SORL1: variants seen among roughly 807,000 people sequenced by gnomAD.
The protein encoded by SORL1 is sortilin-related receptor.
A neutral mutation model predicts 273.7 loss-of-function variants in SORL1; 127 were observed. That is an observed-to-expected ratio of 0.46 (90% CI 0.40 to 0.54). The LOEUF (loss-of-function observed/expected upper bound fraction) is 0.54, where lower values mean the gene tolerates loss of function less well. Among genes scored for constraint, SORL1 ranks in the 20% least tolerant of loss-of-function variants. The probability of loss-of-function intolerance (pLI) is 0.00; values close to 1 mark genes in which losing one functional copy is unlikely to be tolerated. For missense variants in SORL1, 2,494 were observed against 2,846.1 expected, an observed-to-expected ratio of 0.88 and a Z score of 2.81; for synonymous variants, 1,031 against 1,067.4, an observed-to-expected ratio of 0.97 and a Z score of 0.66.
chr11:121,616,009 T>G (rs1012109557), intron 41 of SORL1, among the ~76,000 whole-genome samples: 9 of 152,264 alleles, frequency 5.9e-5, no homozygotes, highest in African/African-American at 2.2e-4. Context: ...CTCTGCTCTT[T>G]TGTGTGTCCC....
intron 1 of SORL1, among the ~76,000 whole-genome samples, chr11:121,456,686 A>C (rs1434356061): frequency 1.3e-5 from 2 of 152,174 alleles, no homozygotes; most frequent in Non-Finnish European, 2.9e-5. Context: ...TTTTGGGGAA[A>C]AATCCTTTGG....
chr11:121,595,721 C>A lies in SORL1; in HGVS notation c.4468C>A (p.Arg1490Ser). 1.2e-6 allele frequency: 2 copies of A among 1,614,012 alleles called. No individual in the cohort carries two copies. Among genetic ancestry groups the A allele is most frequent in the Non-Finnish European group, 1.7e-6 (2 of 1,180,042 alleles). ...GAAGACGTGTATTCCCAACTGGAAG[C>A]GCTGTGACGGCCACCAAGATTGCCA... ...QPKTCIPNWK[R>S]CDGHQDCQDG... The change falls in exon 32 of 48, where the codon CGC becomes AGC. Residue 1490 changes from arginine (R) to serine (S), a missense_variant. Around this residue, in one of 3 missense-constraint regions of SORL1, gnomAD observed 1,609 missense variants for 1,816.4 expected, o/e 0.89. Transcript: ENST00000260197. This position sits in a 1 kb window ranked among gnomAD's most constrained non-coding sequence, Gnocchi z 5.1.
intron 14 of SORL1, among the ~76,000 whole-genome samples, chr11:121,546,517 A>C (rs1470666753): frequency 2.6e-5 from 4 of 152,232 alleles, no homozygotes; most frequent in East Asian, 1.9e-4. Flanking sequence ...TACACAACTC[A>C]TATTTCAGTG....
intron 26 of SORL1, among the ~76,000 whole-genome samples, chr11:121,585,300 A>G (rs1223671900): frequency 6.6e-6 from 1 of 152,106 alleles, no homozygotes; most frequent in African/African-American, 2.4e-5. Flanking sequence ...CCTGGGCAAC[A>G]TAGCAAGACC....
intron 21 of SORL1, among the ~76,000 whole-genome samples, chr11:121,559,952 G>T (rs1259911206): frequency 1.3e-5 from 2 of 152,172 alleles, no homozygotes; most frequent in Non-Finnish European, 2.9e-5. Context: ...TTGCAGCTGG[G>T]AGAGTCCTAA....
chr11:121,482,779 G>A (rs377553695), intron 3 of SORL1, among the ~76,000 whole-genome samples: 9 of 152,376 alleles, frequency 5.9e-5, no homozygotes, highest in African/African-American at 2.2e-4. Context: ...TGCTTGGAAA[G>A]GTTAAGATGT....
chr11:121,523,887 C>T (rs1461098485), intron 11 of SORL1, among the ~76,000 whole-genome samples: 1 of 152,186 alleles, frequency 6.6e-6, no homozygotes, highest in African/African-American at 2.4e-5. Flanking sequence ...ACTGGGAATG[C>T]ACCATGCTCA....
chr11:121,628,025 GAC>G (rs767233291), intron 47 of SORL1, among the ~76,000 whole-genome samples: 13 of 152,200 alleles, frequency 8.5e-5, no homozygotes, highest in Non-Finnish European at 1.2e-4. Flanking sequence ...CAGGCCTTGA[GAC>G]TCCCAAAGTA....
At chr11:121,600,801 G>A (rs1863376765) in intron 32 of SORL1, among the ~76,000 whole-genome samples, 1 of 152,178 alleles carries the variant, frequency 6.6e-6, no homozygotes, top group Non-Finnish European at 1.5e-5. Flanking sequence ...TATTCTAAGT[G>A]CCTGTTAATC....
intron 1 of SORL1, among the ~76,000 whole-genome samples, chr11:121,468,303 AGACAGCTGAGGTTGAGGAGGCTG>A (rs1287479091): frequency 2.0e-5 from 3 of 152,178 alleles, no homozygotes; most frequent in Non-Finnish European, 4.4e-5. Flanking sequence ...CGTGTGCCTC[AGACAGCTGAGGTTGAGGAGGCTG>A]GTGGAATAGG....
intron 2 of SORL1, among the ~76,000 whole-genome samples, chr11:121,472,819 G>GGTGGGTGCC (rs1861191832): frequency 6.6e-6 from 1 of 152,174 alleles, no homozygotes; most frequent in East Asian, 1.9e-4. Flanking sequence ...AATTAGCTGG[G>GGTGGGTGCC]TGTGGTGGTG....
chr11:121,494,610 A>T (rs190585783), intron 5 of SORL1, among the ~76,000 whole-genome samples: 20 of 152,220 alleles, frequency 1.3e-4, no homozygotes, highest in African/African-American at 4.3e-4. Context: ...GGTGTCAGTG[A>T]GCGTAAGACA....
At chr11:121,535,991 T>C (rs755831309) in intron 12 of SORL1, among the ~76,000 whole-genome samples, 1 of 152,222 alleles carries the variant, frequency 6.6e-6, no homozygotes, top group Non-Finnish European at 1.5e-5. Flanking sequence ...GAAGGGGCTG[T>C]TGCATTTTTG....
At chr11:121,602,778 C>T (rs186144771) in intron 32 of SORL1, among the ~76,000 whole-genome samples, 22 of 152,280 alleles carry the variant, frequency 1.4e-4, no homozygotes, top group Admixed American at 1.0e-3. Flanking sequence ...GGCTTAGTTT[C>T]AGGAAGGGAC....
At chr11:121,514,050 C>G in intron 7 of SORL1, 102 bp from the exon 8 acceptor site, 1 of 1,312,022 alleles carries the variant, frequency 7.6e-7, no homozygotes, top group Non-Finnish European at 1.0e-6. Flanking sequence ...GGCCAACATT[C>G]ATCGCTAGAA....
chr11:121,558,908 T>C (rs1862633186), intron 20 of SORL1, 71 bp downstream of exon 20: 2 of 1,570,360 alleles, frequency 1.3e-6, no homozygotes, highest in Admixed American at 1.8e-5. Context: ...GGAGCCTGCA[T>C]CCCTGGGCTT....
Position 121,627,601 on chromosome 11 carries a change from T to C in SORL1, c.6411T>C (p.Ala2137=). ...AGGCTGCCAGATCTACGGATGTTGC[T>C]GCTGTGGTGGTGCCCATCTTATTCC... is the stretch of plus-strand genomic sequence containing the variant. ...ATQAARSTDV[A]AVVVPILFLI... is the part of the protein sequence containing the mutation. Residue 2137 remains alanine (A), a synonymous_variant, in exon 47 of 48, where the codon GCT becomes GCC. Coordinates refer to ENST00000260197, the MANE Select transcript of SORL1 (RefSeq NM_003105.6). This position sits in a 1 kb window ranked among gnomAD's most constrained non-coding sequence, Gnocchi z 4.9. 1.9e-6 allele frequency: 3 copies of C among 1,614,212 alleles called. No individual in the cohort carries two copies. Among genetic ancestry groups the C allele is most frequent in the Non-Finnish European group, 2.5e-6 (3 of 1,180,028 alleles).
In SORL1 at chr11:121,532,503, G is replaced by A; in HGVS notation, c.1636G>A (p.Gly546Ser). ...TCACTACTACACATGGGGAGACCAC[G>A]GCGGAATCATCACGGCCATTGCCCA... Reference protein sequence around the residue: ...GPHYYTWGDHGGIITAIAQGM... With the variant: ...GPHYYTWGDHSGIITAIAQGM... Residue 546 changes from glycine to serine, a missense_variant, in exon 12 of 48, where the codon GGC (glycine) becomes AGC (serine). By Grantham distance (56) the Gly-to-Ser change is moderately conservative. Around this residue, in one of 3 missense-constraint regions of SORL1, gnomAD observed 710 missense variants for 882.5 expected, o/e 0.80. Coordinates refer to ENST00000260197, the MANE Select transcript of SORL1 (RefSeq NM_003105.6). 6.2e-7 allele frequency: 1 copy of A among 1,614,106 alleles called. No homozygotes were observed. Among genetic ancestry groups the A allele is most frequent in the Non-Finnish European group, 8.5e-7 (1 of 1,179,990 alleles).
rs774100833 is a variant in SORL1 at position 121,550,655 on chromosome 11, C to T, written c.2251C>T (p.Pro751Ser). 3 of 1,613,716 alleles carry T rather than the reference C, an allele frequency of 1.9e-6. No homozygotes were observed. The highest frequency in any genetic ancestry group is 2.5e-6 in the Non-Finnish European group (3 of 1,179,648). ...VEARLEGELV[P>S]CPLAEENEFI... ...AGCGCGACTGGAAGGAGAGCTGGTCCCCTGTCCCCTGGCAGGTAAGAGAGG... is the reference window on the plus strand; with the variant it reads ...AGCGCGACTGGAAGGAGAGCTGGTCTCCTGTCCCCTGGCAGGTAAGAGAGG... The change falls in exon 16 of 48, where the codon CCC (proline) becomes TCC (serine). Residue 751 changes from proline (P) to serine (S), a missense_variant. Pro to Ser is a moderately conservative substitution (Grantham distance 74). Around this residue, in one of 3 missense-constraint regions of SORL1, gnomAD observed 710 missense variants for 882.5 expected, o/e 0.80. Transcript: ENST00000260197. This position sits in a 1 kb window ranked among gnomAD's most constrained non-coding sequence, Gnocchi z 5.3.
Sources: allele counts gnomAD v4.1 joint callset (sites outside exome capture counted in the v4.1 genomes callset), GRCh38; gene constraint gnomAD v4.1.1; regional missense constraint gnomAD v4.1.1; non-coding constraint Gnocchi (gnomAD v3.1); transcripts MANE v1.5; gene names NCBI Gene and HGNC (gene_info 2026-07-23, HGNC 2026-07-21).